Variants in GOT1 observed in about 807,000 individuals in gnomAD.
GOT1 encodes the protein aspartate aminotransferase, cytoplasmic.
Under a neutral mutation model 48.2 loss-of-function variants are expected in GOT1, and 25 were observed. The ratio of observed to expected loss-of-function variants is 0.52; its 90% confidence interval spans 0.38 to 0.72. The LOEUF (loss-of-function observed/expected upper bound fraction) is 0.72, where lower values mean the gene tolerates loss of function less well. GOT1 is among the 30% of genes least tolerant of loss of function. The pLI, the probability that GOT1 is intolerant of heterozygous loss-of-function variation, is 0.00. For missense variants in GOT1, 380 were observed against 520.1 expected (o/e 0.73, Z 2.62); for synonymous variants, 188 against 193.8 (o/e 0.97, Z 0.25).
chr10:99,403,917 C>T, intron 5 of GOT1, 43 bp from the exon 6 acceptor site: 1 of 1,604,512 alleles, frequency 6.2e-7, no homozygotes, highest in Non-Finnish European at 8.5e-7. Flanking sequence ...ATCCTTCTGG[C>T]ACCAACCTCA....
Position 99,403,555 on chromosome 10 carries a change from G to T in GOT1, c.873C>A (p.Ile291=). Residue 291 remains isoleucine, a synonymous_variant, in exon 7 of 9, where the codon ATC becomes ATA. Transcript: ENST00000370508. ...GGGGATTGGACCAAGTAATCCGCAC[G>T]ATCTTCTCCATCTGGGAAAGGACTT... is the stretch of plus-strand genomic sequence containing the variant. ...ILQVLSQMEK[I]VRITWSNPPA... 1.2e-6 allele frequency: 2 copies of T among 1,613,980 alleles called. No individual in the cohort carries two copies. The highest frequency in any genetic ancestry group is 2.2e-5 in the South Asian group (2 of 91,074).
chr10:99,430,286 G>A (rs1048700620), intron 1 of GOT1, 162 bp downstream of exon 1: 3 of 1,565,102 alleles, frequency 1.9e-6, no homozygotes, highest in Non-Finnish European at 2.6e-6. Context: ...TCTGTAAAAT[G>A]GGCAGGTTTT....
intron 8 of GOT1, among the ~76,000 whole-genome samples, chr10:99,398,711 T>C (rs556135644): frequency 3.3e-5 from 5 of 152,156 alleles, no homozygotes; most frequent in African/African-American, 1.2e-4. Flanking sequence ...CTTAAGTAAT[T>C]AGTACCTTTA....
At position 99,406,159 on chromosome 10, in the gene GOT1, T is replaced by G; in HGVS notation, c.515A>C (p.Gln172Pro). 6.2e-7 allele frequency: 1 copy of G among 1,610,924 alleles called. No homozygotes were observed. Among genetic ancestry groups the G allele is most frequent in the Non-Finnish European group, 8.5e-7 (1 of 1,177,022 alleles). Residue 172 changes from glutamine to proline, a missense_variant, in exon 4 of 9, where the codon CAG (glutamine) becomes CCG (proline). Gln to Pro is a moderately conservative substitution (Grantham distance 76, BLOSUM62 -1). Transcript: ENST00000370508. ...CACCTCCAGATCATTCAGGAAGCCCTGGAGGTCCAATCCTCTCTTCTCTGC... is the reference window on the plus strand; with the variant it reads ...CACCTCCAGATCATTCAGGAAGCCCGGGAGGTCCAATCCTCTCTTCTCTGC... ...WDAEKRGLDL[Q>P]GFLNDLENAP... is the part of the protein sequence containing the mutation.
At chr10:99,404,642 T>A (rs1242533608) in intron 5 of GOT1, among the ~76,000 whole-genome samples, 1 of 152,142 alleles carries the variant, frequency 6.6e-6, no homozygotes, top group South Asian at 2.1e-4. Flanking sequence ...GCCTGTCTAG[T>A]CTTGCCTCTC....
intron 1 of GOT1, among the ~76,000 whole-genome samples, chr10:99,422,684 C>A (rs1176350065): frequency 6.6e-6 from 1 of 152,140 alleles, no homozygotes; most frequent in Non-Finnish European, 1.5e-5. Context: ...CATATCCTTC[C>A]TGCATTTCCC....
intron 1 of GOT1, among the ~76,000 whole-genome samples, chr10:99,430,053 A>AAGT (rs1425593289): frequency 6.6e-6 from 1 of 152,112 alleles, no homozygotes; most frequent in Non-Finnish European, 1.5e-5. Context: ...CTAGCGTTAA[A>AAGT]AGTTCTCCTT....
chr10:99,412,336 G>T (rs1443330918), intron 2 of GOT1, among the ~76,000 whole-genome samples: 1 of 151,948 alleles, frequency 6.6e-6, no homozygotes, highest in East Asian at 1.9e-4. Flanking sequence ...AGCTATGGGC[G>T]GTGGGGGTGG....
chr10:99,423,157 T>G (rs900930028), intron 1 of GOT1, among the ~76,000 whole-genome samples: 5 of 152,156 alleles, frequency 3.3e-5, no homozygotes, highest in Admixed American at 1.3e-4. Flanking sequence ...ACGCACTGAG[T>G]GTATTTTTGC....
intron 2 of GOT1, among the ~76,000 whole-genome samples, chr10:99,415,272 C>T (rs976539492): frequency 6.8e-4 from 103 of 152,250 alleles, no homozygotes; most frequent in African/African-American, 2.4e-3. Context: ...CACCACCGAT[C>T]CCACAGAAAT....
At chr10:99,418,947 T>C (rs2032933713) in intron 2 of GOT1, among the ~76,000 whole-genome samples, 1 of 152,226 alleles carries the variant, frequency 6.6e-6, no homozygotes, top group Non-Finnish European at 1.5e-5. Context: ...AGGCAAATCA[T>C]AGTCTCTCAT....
At chr10:99,405,046 C>A (rs2134098039) in intron 5 of GOT1, among the ~76,000 whole-genome samples, 1 of 152,318 alleles carries the variant, frequency 6.6e-6, no homozygotes, top group South Asian at 2.1e-4. Flanking sequence ...ACTGTCAACA[C>A]AGCTATCTCA....
chr10:99,398,023 T>C (rs932207960), intron 8 of GOT1, among the ~76,000 whole-genome samples: 1 of 152,206 alleles, frequency 6.6e-6, no homozygotes, highest in African/African-American at 2.4e-5. Flanking sequence ...GACAGCGATA[T>C]GAAATGCTGG....
intron 2 of GOT1, among the ~76,000 whole-genome samples, chr10:99,407,308 G>A (rs2032773239): frequency 6.6e-6 from 1 of 152,084 alleles, no homozygotes; most frequent in Non-Finnish European, 1.5e-5. Context: ...TTCCTAACTT[G>A]TCATTGACAT....
At chr10:99,400,375 G>A (rs2032656289) in intron 8 of GOT1, among the ~76,000 whole-genome samples, 1 of 152,250 alleles carries the variant, frequency 6.6e-6, no homozygotes, top group Non-Finnish European at 1.5e-5. Context: ...GCCAGGTGCA[G>A]TGGCTCATGC....
chr10:99,420,444 G>C (rs1209245346), intron 2 of GOT1, 180 bp downstream of exon 2: 1 of 559,606 alleles, frequency 1.8e-6, no homozygotes, highest in South Asian at 2.5e-5. Flanking sequence ...AAGTGAAAAA[G>C]CCGTGCTTTG....
At chr10:99,412,402 T>TA (rs2032838036) in intron 2 of GOT1, among the ~76,000 whole-genome samples, 5 of 151,790 alleles carry the variant, frequency 3.3e-5, no homozygotes, top group Non-Finnish European at 7.4e-5. Flanking sequence ...TCATCCTAGC[T>TA]GCAGCATGCA....
intron 2 of GOT1, among the ~76,000 whole-genome samples, chr10:99,414,152 G>T (rs2032863667): frequency 6.6e-6 from 1 of 152,188 alleles, no homozygotes; most frequent in Non-Finnish European, 1.5e-5. Context: ...TGGCAAATTG[G>T]ATAAAGAGTC....
At chr10:99,417,190 G>C (rs1247413888) in intron 2 of GOT1, among the ~76,000 whole-genome samples, 1 of 152,066 alleles carries the variant, frequency 6.6e-6, no homozygotes, top group Non-Finnish European at 1.5e-5. Context: ...TCTGACAAAG[G>C]ACTAATATCC....
Sources: gnomAD v4.1 joint callset for allele counts (sites outside exome capture counted in the v4.1 genomes callset) on GRCh38, gnomAD v4.1.1 for gene constraint, MANE v1.5 for transcripts, NCBI Gene and HGNC (gene_info 2026-07-23, HGNC 2026-07-21) for gene names.